Variants in SYNE3 observed in about 807,000 individuals in gnomAD.
SYNE3 encodes nesprin-3.
Under a neutral mutation model 111.2 loss-of-function variants are expected in SYNE3, and 100 were observed. The ratio of observed to expected loss-of-function variants is 0.90; its 90% confidence interval spans 0.77 to 1.06. The LOEUF (loss-of-function observed/expected upper bound fraction) is 1.06. SYNE3 is among the 50% of genes least tolerant of loss of function. The pLI, the probability that SYNE3 is intolerant of heterozygous loss-of-function variation, is 0.00. For missense variants in SYNE3, 1,160 were observed against 1,240.3 expected (o/e 0.94, Z 0.97); for synonymous variants, 547 against 533.9 (o/e 1.02, Z -0.34).
At chr14:95,426,929 G>A (rs1332783048) in intron 17 of SYNE3, among the ~76,000 whole-genome samples, 1 of 100,146 alleles carries the variant, frequency 1.0e-5, no homozygotes, top group Non-Finnish European at 1.9e-5. Context: ...GGGTGACAAA[G>A]CAAGACTCCA....
intron 11 of SYNE3, 55 bp downstream of exon 11, chr14:95,443,100 G>C: frequency 3.7e-6 from 6 of 1,603,662 alleles, no homozygotes; most frequent in Non-Finnish European, 5.1e-6. Flanking sequence ...CAGGCGTGTT[G>C]GATGACAGGG....
chr14:95,495,967 G>C (rs1452818218), intron 1 of SYNE3, among the ~76,000 whole-genome samples: 3 of 152,176 alleles, frequency 2.0e-5, no homozygotes, highest in African/African-American at 4.8e-5. Flanking sequence ...GGCTTGAAAT[G>C]AATCAGGCAG....
At chr14:95,490,407 T>C (rs1889791779) in intron 1 of SYNE3, among the ~76,000 whole-genome samples, 1 of 152,242 alleles carries the variant, frequency 6.6e-6, no homozygotes, top group Non-Finnish European at 1.5e-5. Context: ...CCAGCTATTT[T>C]CTACAGCACC....
At position 95,467,939 on chromosome 14, in the gene SYNE3, C is replaced by T. The variant is rs373561836; in HGVS notation, c.173G>A (p.Arg58His). Reference protein sequence around the residue: ...EKICQLEPEGRVRVDLVLRMA... With the variant: ...EKICQLEPEGHVRVDLVLRMA... ...CCGTAGCACGAGGTCCACCCTCACA[C>T]GCCCCTCGGGCTCCAGCTGGCATAT... The change falls in exon 3 of 18, where the codon CGT becomes CAT. Residue 58 changes from arginine (R) to histidine (H), a missense_variant. Coordinates refer to ENST00000682763, the MANE Select transcript of SYNE3 (RefSeq NM_152592.6). 8.1e-6 allele frequency: 13 copies of T among 1,613,222 alleles called. No individual in the cohort carries two copies. Among genetic ancestry groups the T allele is most frequent in the Non-Finnish European group, 1.1e-5 (13 of 1,179,444 alleles).
intron 1 of SYNE3, among the ~76,000 whole-genome samples, chr14:95,487,009 C>T (rs2277457): frequency 0.39 from 59,357 of 151,992 alleles, 12,694 homozygotes; most frequent in African/African-American, 0.56. Flanking sequence ...CCTGTGTTTC[C>T]AGAATATTAG....
chr14:95,415,118 G>A lies in SYNE3; in HGVS notation c.*2708C>T, dbSNP rs555400009. ...TTTTCATGTAGTTGCTGACATGAGC[G>A]GATCATACCACAATGAGCAGGGTAC... On this transcript the variant is annotated 3_prime_UTR_variant, in exon 18 of 18. Transcript: ENST00000682763. The A allele has an allele frequency of 2.6e-5, 4 of 152,096 alleles. No individual in the cohort carries two copies. Among genetic ancestry groups the A allele is most frequent in the Non-Finnish European group, 5.9e-5 (4 of 67,998 alleles). 9.4% of individuals were successfully genotyped at this position (152,096 alleles called of 1,614,324 possible). A position where few individuals can be genotyped will look rare whatever the true frequency, so the allele number is the denominator to read the frequency against.
At chr14:95,426,898 C>T (rs577949831) in intron 17 of SYNE3, among the ~76,000 whole-genome samples, 3 of 142,236 alleles carry the variant, frequency 2.1e-5, no homozygotes, top group East Asian at 2.1e-4. Context: ...GATCCAAGAT[C>T]GCACCACTGC....
At chr14:95,490,858 G>A (rs919112263) in intron 1 of SYNE3, among the ~76,000 whole-genome samples, 3 of 152,204 alleles carry the variant, frequency 2.0e-5, no homozygotes, top group Non-Finnish European at 2.9e-5. Flanking sequence ...GCTGTGGCAC[G>A]CAGTACCAGC....
intron 1 of SYNE3, among the ~76,000 whole-genome samples, chr14:95,501,245 G>T (rs1374292165): frequency 6.6e-6 from 1 of 152,160 alleles, no homozygotes; most frequent in South Asian, 2.1e-4. Context: ...CTTCTGATAT[G>T]TTCTTGTTTA....
intron 1 of SYNE3, among the ~76,000 whole-genome samples, chr14:95,483,082 T>C (rs1278310534): frequency 6.6e-6 from 1 of 152,142 alleles, no homozygotes; most frequent in African/African-American, 2.4e-5. Context: ...AGCTCAAGAA[T>C]CTAGAGTTCA....
intron 11 of SYNE3, among the ~76,000 whole-genome samples, chr14:95,442,155 G>T (rs11624688): frequency 0.57 from 86,326 of 151,990 alleles, 24,902 homozygotes; most frequent in East Asian, 0.77. Flanking sequence ...TGATCAAAGT[G>T]CTATCAAGCG....
At chr14:95,425,856 T>C (rs1885400777) in intron 17 of SYNE3, among the ~76,000 whole-genome samples, 1 of 152,262 alleles carries the variant, frequency 6.6e-6, no homozygotes, top group Non-Finnish European at 1.5e-5. Flanking sequence ...TTATCAACAT[T>C]GAGTGTTATC....
chr14:95,426,084 C>T (rs1278404826), intron 17 of SYNE3, among the ~76,000 whole-genome samples: 5 of 152,124 alleles, frequency 3.3e-5, no homozygotes, highest in Admixed American at 6.5e-5. Context: ...GACAGAAAGA[C>T]GAAGAAATAG....
At chr14:95,433,197 C>A (rs1470449054) in intron 16 of SYNE3, 63 bp downstream of exon 16, 2 of 1,574,258 alleles carry the variant, frequency 1.3e-6, no homozygotes, top group African/African-American at 1.3e-5. Context: ...TATCCCCAGG[C>A]AAATACGGCC....
chr14:95,503,522 C>A (rs557195398), intron 1 of SYNE3, among the ~76,000 whole-genome samples: 4 of 151,566 alleles, frequency 2.6e-5, no homozygotes, highest in South Asian at 2.1e-4. Flanking sequence ...ACCACTAGAC[C>A]ATTAATATTT....
chr14:95,514,391 G>C (rs950525476), intron 1 of SYNE3, among the ~76,000 whole-genome samples: 7 of 152,176 alleles, frequency 4.6e-5, no homozygotes, highest in African/African-American at 1.2e-4. Flanking sequence ...GACCATGAGG[G>C]GGGTGAGCCA....
intron 4 of SYNE3, among the ~76,000 whole-genome samples, chr14:95,461,036 A>AT (rs1887776747): frequency 6.6e-6 from 1 of 152,230 alleles, no homozygotes; most frequent in African/African-American, 2.4e-5. Context: ...TGCCAGGCAT[A>AT]ACAGTCACAG....
chr14:95,493,186 G>A (rs1415827139), intron 1 of SYNE3, among the ~76,000 whole-genome samples: 1 of 152,176 alleles, frequency 6.6e-6, no homozygotes, highest in Non-Finnish European at 1.5e-5. Flanking sequence ...TGTAAAGGAA[G>A]CTAAGAAGCT....
rs1903594526 is a variant in SYNE3 at position 95,416,787 on chromosome 14, C to A, written c.*1039G>T. 1 of 152,324 alleles carries A rather than the reference C, an allele frequency of 6.6e-6. No homozygotes were observed. The highest frequency in any genetic ancestry group is 2.4e-5 in the African/African-American group (1 of 41,470). The allele number at this position is 152,324 out of a possible 1,614,324, so 9.4% of individuals were successfully genotyped here. ...AGATTCTCTCACCTCTGTCCTGGAC[C>A]CTCGATCCCTGGCCCCTGGCGTGGC... is the stretch of plus-strand genomic sequence containing the variant. On this transcript the variant is annotated 3_prime_UTR_variant, in exon 18 of 18. Coordinates refer to ENST00000682763, the MANE Select transcript of SYNE3 (RefSeq NM_152592.6).
Sources: allele counts gnomAD v4.1 joint callset (sites outside exome capture counted in the v4.1 genomes callset), GRCh38; gene constraint gnomAD v4.1.1; transcripts MANE v1.5; gene names NCBI Gene and HGNC (gene_info 2026-07-23, HGNC 2026-07-21).